The following DPP6 variants were observed in gnomAD, a reference collection of about 807,000 sequenced individuals.
The protein encoded by DPP6 is dipeptidyl peptidase like 6, also known as A-type potassium channel modulatory protein DPP6.
In DPP6, 69 loss-of-function variants were observed where a neutral mutation model predicts 122.6. The ratio of observed to expected loss-of-function variants is 0.56; its 90% CI spans 0.46 to 0.69. DPP6 has a LOEUF of 0.69. Among genes scored for constraint, DPP6 ranks in the 30% least tolerant of loss-of-function variants. DPP6 has a pLI of 0.00. For missense variants in DPP6, 928 were observed against 1,116.9 expected (o/e 0.83, Z 2.41); for synonymous variants, 418 against 433.1 (o/e 0.97, Z 0.43).
intron 4 of DPP6, among the ~76,000 whole-genome samples, chr7:154,549,742 A>G (rs1829491005): frequency 1.3e-5 from 2 of 152,160 alleles, no homozygotes; most frequent in Non-Finnish European, 2.9e-5. Context: ...AACAAACCTT[A>G]TCATCGCATG....
chr7:154,502,050 C>A (rs1017251016), intron 3 of DPP6, among the ~76,000 whole-genome samples: 5 of 152,152 alleles, frequency 3.3e-5, no homozygotes, highest in Admixed American at 6.5e-5. Flanking sequence ...GATTTTACTG[C>A]CCTGCTAGAT....
intron 5 of DPP6, among the ~76,000 whole-genome samples, chr7:154,581,347 G>C (rs1299374651): frequency 1.3e-5 from 2 of 152,138 alleles, no homozygotes; most frequent in Admixed American, 1.3e-4. Context: ...AGGAGACAGA[G>C]GGGACAGGAA....
At chr7:154,055,218 G>T (rs1427897737) in intron 1 of DPP6, among the ~76,000 whole-genome samples, 2 of 138,578 alleles carry the variant, frequency 1.4e-5, no homozygotes, top group African/African-American at 5.4e-5. Flanking sequence ...ATATATATCT[G>T]GCACACATCT....
chr7:154,626,640 A>G (rs1361722689), intron 5 of DPP6, among the ~76,000 whole-genome samples: 1 of 152,210 alleles, frequency 6.6e-6, no homozygotes, highest in Non-Finnish European at 1.5e-5. Context: ...TTCAAGAAGA[A>G]CTCACCATTT....
intron 3 of DPP6, among the ~76,000 whole-genome samples, chr7:154,534,479 A>T (rs942621769): frequency 3.3e-5 from 5 of 152,192 alleles, no homozygotes; most frequent in African/African-American, 1.2e-4. Context: ...GTATGTTAAA[A>T]CCCTAAGAAG....
chr7:154,463,208 T>C (rs1204869336), intron 2 of DPP6, among the ~76,000 whole-genome samples: 35 of 92,600 alleles, frequency 3.8e-4, no homozygotes, highest in African/African-American at 1.3e-3. Flanking sequence ...TTTTTTTTTT[T>C]TTTTTTTTTT....
intron 1 of DPP6, among the ~76,000 whole-genome samples, chr7:153,890,273 G>A (rs1180824136): frequency 2.6e-5 from 4 of 152,224 alleles, no homozygotes; most frequent in Non-Finnish European, 2.9e-5. Context: ...ACTCGCATTT[G>A]AGGTTTGATA....
intron 1 of DPP6, among the ~76,000 whole-genome samples, chr7:154,294,756 G>T (rs1301925428): frequency 6.6e-6 from 1 of 152,064 alleles, no homozygotes; most frequent in African/African-American, 2.4e-5. Context: ...GTTTCTTGGG[G>T]ATACCTTTCC....
chr7:153,930,975 T>C (rs1172665015), intron 1 of DPP6, among the ~76,000 whole-genome samples: 2 of 152,230 alleles, frequency 1.3e-5, no homozygotes, highest in African/African-American at 4.8e-5. Flanking sequence ...TACACAGTTC[T>C]GAAAGCAATT....
At chr7:154,860,421 A>G (rs1803280700) in intron 17 of DPP6, among the ~76,000 whole-genome samples, 1 of 152,202 alleles carries the variant, frequency 6.6e-6, no homozygotes, top group South Asian at 2.1e-4. Context: ...GTCGCTGTGC[A>G]GAGAATGGAT....
At chr7:153,888,626 G>A (rs1227619774) in intron 1 of DPP6, among the ~76,000 whole-genome samples, 5 of 151,492 alleles carry the variant, frequency 3.3e-5, no homozygotes, top group Admixed American at 3.3e-4. Flanking sequence ...GTGTGCCTTC[G>A]TGTGTTTATT....
intron 8 of DPP6, among the ~76,000 whole-genome samples, chr7:154,737,548 A>T (rs1842627467): frequency 6.6e-6 from 1 of 152,108 alleles, no homozygotes; most frequent in African/African-American, 2.4e-5. Context: ...GAGATGTGGA[A>T]TTTTTAGACA....
At chr7:154,287,184 A>G (rs1468636357) in intron 1 of DPP6, among the ~76,000 whole-genome samples, 2 of 152,256 alleles carry the variant, frequency 1.3e-5, no homozygotes, top group East Asian at 3.8e-4. Flanking sequence ...ACAGGAAGAC[A>G]TCTTACAAAC....
At chr7:154,660,974 G>A (rs1446000374) in intron 6 of DPP6, among the ~76,000 whole-genome samples, 1 of 111,992 alleles carries the variant, frequency 8.9e-6, no homozygotes, top group African/African-American at 4.5e-5. Context: ...GCATATTGGC[G>A]CTAGTATTCA....
the DPP6 span, among the ~76,000 whole-genome samples, chr7:153,855,255 T>A: frequency 6.9e-6 from 1 of 145,746 alleles, no homozygotes; most frequent in Non-Finnish European, 1.5e-5. Flanking sequence ...AAAGAAATAA[T>A]AAAAATAATA....
chr7:154,647,717 T>C (rs575478319), intron 6 of DPP6, among the ~76,000 whole-genome samples: 2 of 152,352 alleles, frequency 1.3e-5, no homozygotes, highest in African/African-American at 4.8e-5. Flanking sequence ...GCATCTAAGA[T>C]GGAAGGTGTT....
In DPP6 at chr7:154,788,505, C is replaced by T. The variant is rs191262753; in HGVS notation, c.1137-5574C>T. ...AAAAATATATTGGTTGTTAAAAAAA[C>T]ACATTGAAATATTAAACATTAAGTA... On this transcript the variant is annotated intron_variant, in intron 10 of 25. Coordinates refer to ENST00000377770, the MANE Select transcript of DPP6 (RefSeq NM_130797.4). 7.3e-3 allele frequency among the ~76,000 whole-genome samples: 1,095 copies of T among 150,152 alleles called. 12 individuals are homozygous for T. The highest frequency in any genetic ancestry group is 0.013 in the Non-Finnish European group (852 of 67,528).
intron 1 of DPP6, among the ~76,000 whole-genome samples, chr7:154,175,277 A>G (rs903942879): frequency 6.6e-6 from 1 of 152,070 alleles, no homozygotes; most frequent in African/African-American, 2.4e-5. Flanking sequence ...TGCAGATGGA[A>G]TTAAGGTTGG....
chr7:154,812,045 C>T (rs1799093149), intron 16 of DPP6, among the ~76,000 whole-genome samples: 2 of 152,200 alleles, frequency 1.3e-5, no homozygotes, highest in South Asian at 2.1e-4. Flanking sequence ...CATCCCGTCA[C>T]ACAGGGAGGG....
Sources: allele counts gnomAD v4.1 joint callset (sites outside exome capture counted in the v4.1 genomes callset), GRCh38; gene constraint gnomAD v4.1.1; transcripts MANE v1.5; gene names NCBI Gene and HGNC (gene_info 2026-07-23, HGNC 2026-07-21).